The following ZDHHC21 variants were observed in gnomAD, a reference collection of about 807,000 sequenced individuals.
ZDHHC21 encodes zDHHC palmitoyltransferase 21.
Under a neutral mutation model 34.6 loss-of-function variants are expected in ZDHHC21, and 15 were observed. The ratio of observed to expected loss-of-function variants is 0.43; its 90% CI spans 0.29 to 0.67. ZDHHC21 has a LOEUF of 0.67. ZDHHC21 is among the 30% of genes least tolerant of loss of function. ZDHHC21 has a pLI of 0.14. For missense variants in ZDHHC21, 344 were observed against 327.7 expected (o/e 1.05, Z -0.38); for synonymous variants, 142 against 101.8 (o/e 1.40, Z -2.38).
chr9:14,688,138 T>C (rs961242016), intron 2 of ZDHHC21, among the ~76,000 whole-genome samples: 8 of 151,040 alleles, frequency 5.3e-5, no homozygotes, highest in Non-Finnish European at 1.0e-4. Context: ...CTTCTACAGA[T>C]GTTAAAAGAG....
rs1361382495 is a variant in ZDHHC21 at position 14,693,218 on chromosome 9, T to G, written c.-225+11A>C. On this transcript the variant is annotated intron_variant, in intron 1 of 9. Transcript: ENST00000380916. ...GGGGCGGCCGCTTCGCCCCCGCGCC[T>G]GCACACTCACCGTCGCCGCTGGCTC... 1 of 392,432 alleles carries G rather than the reference T, an allele frequency of 2.5e-6. No individual in the cohort carries two copies. Among genetic ancestry groups the G allele is most frequent in the Admixed American group, 3.0e-5 (1 of 33,678 alleles). The allele number at this position is 392,432 out of a possible 1,614,324, so 24.3% of individuals were successfully genotyped here.
chr9:14,685,240 A>G (rs1008424744), intron 2 of ZDHHC21, among the ~76,000 whole-genome samples: 13 of 151,880 alleles, frequency 8.6e-5, no homozygotes, highest in African/African-American at 3.1e-4. Context: ...GCACAGCAAA[A>G]GAAACTACCA....
intron 8 of ZDHHC21, chr9:14,622,524 T>A: frequency 4.1e-6 from 4 of 984,632 alleles, no homozygotes; most frequent in Non-Finnish European, 4.8e-6. Flanking sequence ...TCACCAGAGG[T>A]TTCCTGGTTA....
intron 5 of ZDHHC21, among the ~76,000 whole-genome samples, chr9:14,663,042 G>A (rs62535368): frequency 0.053 from 8,132 of 152,240 alleles, 281 homozygotes; most frequent in Admixed American, 0.11. Flanking sequence ...AATCTGGAGT[G>A]AAACAGCACA....
chr9:14,644,525 C>T (rs1311809700), intron 7 of ZDHHC21, among the ~76,000 whole-genome samples: 1 of 151,224 alleles, frequency 6.6e-6, no homozygotes, highest in African/African-American at 2.4e-5. Flanking sequence ...TTAAGGGGGT[C>T]GGGAAGAAAG....
intron 3 of ZDHHC21, among the ~76,000 whole-genome samples, chr9:14,678,251 G>C (rs1451701912): frequency 6.6e-6 from 1 of 151,966 alleles, no homozygotes; most frequent in Non-Finnish European, 1.5e-5. Context: ...CTTGGAATAA[G>C]GAAGGCCTTC....
intron 2 of ZDHHC21, among the ~76,000 whole-genome samples, chr9:14,687,889 G>A (rs1838582104): frequency 6.6e-6 from 1 of 150,698 alleles, no homozygotes; most frequent in African/African-American, 2.5e-5. Flanking sequence ...CTTATTAGAT[G>A]AATATATGAA....
intron 8 of ZDHHC21, chr9:14,622,808 G>A: frequency 1.1e-6 from 1 of 887,562 alleles, no homozygotes; most frequent in Non-Finnish European, 1.3e-6. Context: ...TCAAAATGGA[G>A]TTTCTAGACC....
rs185877100 is a variant in ZDHHC21 at position 14,618,019 on chromosome 9, T to C, written c.*947A>G. Reference sequence around the variant, plus strand: ...AAATAAAAGTAAAAAGTATACTCTTTTCAAAAGCACAATATTCCTCTTTAT... The same window carrying C: ...AAATAAAAGTAAAAAGTATACTCTTCTCAAAAGCACAATATTCCTCTTTAT... On this transcript the variant is annotated 3_prime_UTR_variant, in exon 10 of 10. Coordinates refer to ENST00000380916, the MANE Select transcript of ZDHHC21 (RefSeq NM_178566.6). 21 of 152,614 alleles carry C rather than the reference T, an allele frequency of 1.4e-4. No homozygotes were observed. Among genetic ancestry groups the C allele is most frequent in the African/African-American group, 4.3e-4 (18 of 41,558 alleles). The allele number at this position is 152,614 out of a possible 1,614,324, so 9.5% of individuals were successfully genotyped here.
In ZDHHC21 at chr9:14,611,084, A is replaced by C. The variant is rs911512205; in HGVS notation, c.*7882T>G. ...TAAAAACAGTCCTACGTTTTTAAAA[A>C]ATATTTATTTAAAAATAAGATTTCA... On this transcript the variant is annotated 3_prime_UTR_variant, in exon 10 of 10. Coordinates refer to ENST00000380916, the MANE Select transcript of ZDHHC21 (RefSeq NM_178566.6). 1 of 152,068 alleles carries C rather than the reference A, an allele frequency of 6.6e-6. No individual in the cohort carries two copies. Among genetic ancestry groups the C allele is most frequent in the African/African-American group, 2.4e-5 (1 of 41,446 alleles). The allele number at this position is 152,068 out of a possible 1,614,324, so 9.4% of individuals were successfully genotyped here. A position where few individuals can be genotyped will look rare whatever the true frequency, so the allele number is the denominator to read the frequency against.
chr9:14,665,652 G>A (rs1297084544), intron 5 of ZDHHC21, among the ~76,000 whole-genome samples: 5 of 136,910 alleles, frequency 3.7e-5, no homozygotes, highest in South Asian at 2.9e-4. Context: ...CGGATCTCTC[G>A]GCAGAAACCC....
chr9:14,683,046 C>G (rs111593049), intron 2 of ZDHHC21, among the ~76,000 whole-genome samples: 5 of 152,118 alleles, frequency 3.3e-5, no homozygotes, highest in Middle Eastern at 3.4e-3. Context: ...GTGTGTAGAG[C>G]GAAATTTATA....
chr9:14,596,098 C>G, the ZDHHC21 span, among the ~76,000 whole-genome samples: 1 of 152,190 alleles, frequency 6.6e-6, no homozygotes, highest in Non-Finnish European at 1.5e-5. Context: ...GAAAACATGT[C>G]TTTACAAAGA....
intron 7 of ZDHHC21, among the ~76,000 whole-genome samples, chr9:14,657,008 T>A (rs550418493): frequency 3.9e-5 from 6 of 152,168 alleles, no homozygotes; most frequent in African/African-American, 1.2e-4. Flanking sequence ...ATATATGTCG[T>A]ATATTCAAAT....
intron 1 of ZDHHC21, among the ~76,000 whole-genome samples, chr9:14,692,863 G>A (rs1383271315): frequency 1.4e-5 from 2 of 148,122 alleles, no homozygotes; most frequent in Non-Finnish European, 3.0e-5. Flanking sequence ...GAGAGAAACT[G>A]TAGTTTACAA....
intron 8 of ZDHHC21, among the ~76,000 whole-genome samples, chr9:14,624,317 T>C (rs948651408): frequency 6.6e-6 from 1 of 152,016 alleles, no homozygotes; most frequent in African/African-American, 2.4e-5. Flanking sequence ...CAATCCCCCA[T>C]GGAGAGTGAG....
At chr9:14,659,802 C>A (rs1833014172) in intron 6 of ZDHHC21, among the ~76,000 whole-genome samples, 1 of 152,116 alleles carries the variant, frequency 6.6e-6, no homozygotes. Context: ...TTTAAGAGTG[C>A]ATGTTTTGTA....
intron 7 of ZDHHC21, among the ~76,000 whole-genome samples, 198 bp downstream of exon 7, chr9:14,658,551 G>A (rs1189877760): frequency 7.8e-6 from 1 of 127,458 alleles, no homozygotes; most frequent in Non-Finnish European, 1.6e-5. Context: ...GCTCACTGCA[G>A]GCTCCGCCCC....
intron 7 of ZDHHC21, among the ~76,000 whole-genome samples, chr9:14,654,558 G>T (rs1587170053): frequency 2.0e-5 from 3 of 151,944 alleles, no homozygotes; most frequent in Non-Finnish European, 4.4e-5. Flanking sequence ...GGACCCACAA[G>T]GGGATCTCAA....
Sources: allele counts gnomAD v4.1 joint callset (sites outside exome capture counted in the v4.1 genomes callset), GRCh38; gene constraint gnomAD v4.1.1; transcripts MANE v1.5; gene names NCBI Gene and HGNC (gene_info 2026-07-23, HGNC 2026-07-21).